KDM2B: variants seen among roughly 807,000 people sequenced by gnomAD.
KDM2B encodes the protein lysine demethylase 2B.
In KDM2B, 26 loss-of-function variants were observed where a neutral mutation model predicts 150.0. The observed-to-expected ratio is 0.17, with a 90% CI of 0.13 to 0.24. KDM2B has a LOEUF of 0.24. KDM2B is among the 10% of genes least tolerant of loss of function. The pLI is 1.00. For missense variants in KDM2B, 1,265 were observed against 1,816.9 expected, an observed-to-expected ratio of 0.70 and a Z score of 5.52; for synonymous variants, 734 against 729.5, an observed-to-expected ratio of 1.01 and a Z score of -0.10.
At chr12:121,444,774 A>C (rs942243651) in intron 14 of KDM2B, 4 of 559,562 alleles carry the variant, frequency 7.1e-6, no homozygotes, top group East Asian at 3.0e-5. Context: ...TGGGCAAGAC[A>C]CTCCGTCTCT....
chr12:121,423,615 G>C, the KDM2B span: 2 of 1,562,760 alleles, frequency 1.3e-6, no homozygotes, highest in Non-Finnish European at 1.8e-6. The surrounding 1 kb of genome is among the most constrained non-coding windows in gnomAD (Gnocchi z 4.3). Flanking sequence ...CCCCAAACTT[G>C]ACCCCCAACA....
intron 22 of KDM2B, among the ~76,000 whole-genome samples, chr12:121,432,239 C>T (rs1479375957): frequency 6.6e-6 from 1 of 152,050 alleles, no homozygotes; most frequent in African/African-American, 2.4e-5. Context: ...TCAAGTAGTT[C>T]CCCCTCAAAT....
chr12:121,578,198 G>T (rs1257324946), intron 2 of KDM2B, among the ~76,000 whole-genome samples: 1 of 152,224 alleles, frequency 6.6e-6, no homozygotes, highest in Non-Finnish European at 1.5e-5. Flanking sequence ...CCCAGGTAGG[G>T]GTTCAGGTCA....
Position 121,520,980 on chromosome 12 carries a change from C to CT in KDM2B, c.1047+4dup. The CT allele has an allele frequency of 6.2e-7, 1 of 1,612,166 alleles. No individual in the cohort carries two copies. Among genetic ancestry groups the CT allele is most frequent in the Non-Finnish European group, 8.5e-7 (1 of 1,178,392 alleles). ...GCACGCGAGGACAGAAGGGAACCTC[C>CT]TTACCCGCGTCCTGTCCTCGATCTC... On this transcript the variant is annotated splice_donor_region_variant and intron_variant, in intron 9 of 22. Coordinates refer to ENST00000377071, the MANE Select transcript of KDM2B (RefSeq NM_032590.5). The surrounding 1 kb of genome is among the most constrained non-coding windows in gnomAD (Gnocchi z 4.5).
intron 8 of KDM2B, chr12:121,524,601 T>C: frequency 2.7e-6 from 1 of 370,752 alleles, no homozygotes; most frequent in Non-Finnish European, 5.5e-6. Flanking sequence ...TGCTCACATC[T>C]GCTTCATTAC....
rs1875433910 is a variant in KDM2B at position 121,443,005 on chromosome 12, A to T, written c.2591T>A (p.Leu864His). Residue 864 changes from leucine (L) to histidine (H), a missense_variant, in exon 18 of 23, where the codon CTT becomes CAT. Coordinates refer to ENST00000377071, the MANE Select transcript of KDM2B (RefSeq NM_032590.5). ...GGAAGATGGTACCTTTTTCCTGAAA[A>T]GCTTATCTTCTTTGCCAGGTTTGAG... is the stretch of plus-strand genomic sequence containing the variant. ...QQLKPGKEDK[L>H]FRKKRRSWKN... 1 of 1,613,236 alleles carries T rather than the reference A, an allele frequency of 6.2e-7. No homozygotes were observed. Among genetic ancestry groups the T allele is most frequent in the African/African-American group, 1.3e-5 (1 of 74,888 alleles).
chr12:121,540,466 G>C (rs1888519519), intron 6 of KDM2B, among the ~76,000 whole-genome samples: 1 of 151,992 alleles, frequency 6.6e-6, no homozygotes, highest in South Asian at 2.1e-4. Flanking sequence ...TAGAGGATGA[G>C]GGCCAGGTGC....
chr12:121,443,366 G>A, intron 17 of KDM2B: 2 of 577,204 alleles, frequency 3.5e-6, no homozygotes, highest in East Asian at 5.9e-5. Context: ...CGGCCCAGCA[G>A]GAATGGCTAG....
At chr12:121,445,446 T>A in intron 13 of KDM2B, 28 bp from the exon 14 acceptor site, 1 of 1,564,418 alleles carries the variant, frequency 6.4e-7, no homozygotes, top group Non-Finnish European at 8.7e-7. Flanking sequence ...ACAAGACAAG[T>A]CATCAGGGGT....
chr12:121,562,272 C>T (rs1376424382), intron 4 of KDM2B, among the ~76,000 whole-genome samples: 2 of 150,908 alleles, frequency 1.3e-5, no homozygotes, highest in African/African-American at 4.9e-5. Flanking sequence ...CACCTGAGGC[C>T]AGGAGTTTGA....
At chr12:121,560,147 G>A (rs1348228353) in intron 4 of KDM2B, among the ~76,000 whole-genome samples, 1 of 152,038 alleles carries the variant, frequency 6.6e-6, no homozygotes. Flanking sequence ...TTGGGACTAT[G>A]GGCATGAGTC....
Position 121,533,029 on chromosome 12 carries a change from T to C in KDM2B, c.778-70A>G, listed in dbSNP as rs1005819018. On this transcript the variant is annotated intron_variant, in intron 7 of 22. Coordinates refer to ENST00000377071, the MANE Select transcript of KDM2B (RefSeq NM_032590.5). This position sits in a 1 kb window ranked among gnomAD's most constrained non-coding sequence, Gnocchi z 4.1. ...CAAGACCCAGAGAGAGGGCCCCACC[T>C]GCCTGGCGGAAGGGGAGGGGGCGAG... is the stretch of plus-strand genomic sequence containing the variant. 3.3e-6 allele frequency: 5 copies of C among 1,533,652 alleles called. No homozygotes were observed. The highest frequency in any genetic ancestry group is 4.5e-6 in the Non-Finnish European group (5 of 1,115,540).
At chr12:121,530,549 A>T (rs797039635) in intron 8 of KDM2B, among the ~76,000 whole-genome samples, 35 of 112,718 alleles carry the variant, frequency 3.1e-4, no homozygotes, top group African/African-American at 1.0e-3. Context: ...CCACCCCTGT[A>T]TCTCAGAGGG....
intron 12 of KDM2B, among the ~76,000 whole-genome samples, chr12:121,462,900 G>A (rs192839815): frequency 2.1e-3 from 319 of 151,756 alleles, no homozygotes; most frequent in Non-Finnish European, 2.8e-3. Context: ...CCAGGAGTTC[G>A]AGCCCAGCCT....
At position 121,529,912 on chromosome 12, in the gene KDM2B, G is replaced by C. The variant is rs140741157; in HGVS notation, c.931+2894C>G. Among the ~76,000 whole-genome samples, 782 of 137,794 alleles carry C rather than the reference G, an allele frequency of 5.7e-3. 6 individuals are homozygous for C. Among genetic ancestry groups the C allele is most frequent in the African/African-American group, 0.021 (754 of 36,198 alleles). 90.4% of individuals were successfully genotyped at this position (137,794 alleles called of 152,430 possible). ...ACCACCATGCTCCAGCCTGGCGACA[G>C]AGCAAGACTCTGTCTCAAAAAAAAA... is the stretch of plus-strand genomic sequence containing the variant. On this transcript the variant is annotated intron_variant, in intron 8 of 22. Coordinates refer to ENST00000377071, the MANE Select transcript of KDM2B (RefSeq NM_032590.5).
At chr12:121,576,238 C>T (rs1891483812) in intron 2 of KDM2B, among the ~76,000 whole-genome samples, 1 of 152,126 alleles carries the variant, frequency 6.6e-6, no homozygotes, top group Non-Finnish European at 1.5e-5. Flanking sequence ...TCCCAAGCCG[C>T]GCTCGGAAAG....
chr12:121,415,650 T>A, the KDM2B span, among the ~76,000 whole-genome samples: 2 of 152,000 alleles, frequency 1.3e-5, no homozygotes, highest in Admixed American at 6.6e-5. Flanking sequence ...ATAAATAAAT[T>A]GATGTTATTT....
chr12:121,523,671 C>T (rs1247188817), intron 8 of KDM2B, among the ~76,000 whole-genome samples: 1 of 152,234 alleles, frequency 6.6e-6, no homozygotes, highest in Non-Finnish European at 1.5e-5. Flanking sequence ...CCCTTCCCAC[C>T]AGGGCAACGC....
Position 121,532,976 on chromosome 12 carries a change from G to A in KDM2B, c.778-17C>T, listed in dbSNP as rs781985922. 9 of 1,613,756 alleles carry A rather than the reference G, an allele frequency of 5.6e-6. No individual in the cohort carries two copies. The East Asian group carries it at 2.0e-4, about 36-fold the overall frequency. On this transcript the variant is annotated splice_polypyrimidine_tract_variant and intron_variant, in intron 7 of 22. Coordinates refer to ENST00000377071, the MANE Select transcript of KDM2B (RefSeq NM_032590.5). ...CCAAAAAATCTTGGGAGAAAACACA[G>A]GCAGTCAGCTGGAGACCCAGGCCCA...
Sources: gnomAD v4.1 joint callset for allele counts (sites outside exome capture counted in the v4.1 genomes callset) on GRCh38, gnomAD v4.1.1 for gene constraint, Gnocchi (gnomAD v3.1) non-coding constraint, MANE v1.5 for transcripts, NCBI Gene and HGNC (gene_info 2026-07-23, HGNC 2026-07-21) for gene names.